FRAS1: variants seen among roughly 807,000 people sequenced by gnomAD.
FRAS1 encodes Fraser extracellular matrix complex subunit 1, also known as extracellular matrix organizing protein FRAS1.
A neutral mutation model predicts 435.2 loss-of-function variants in FRAS1; 290 were observed. The ratio of observed to expected loss-of-function variants is 0.67; its 90% CI spans 0.61 to 0.73. The LOEUF (loss-of-function observed/expected upper bound fraction) is 0.73, where lower values mean the gene tolerates loss of function less well. FRAS1 is among the 30% of genes least tolerant of loss of function. The probability of loss-of-function intolerance (pLI) is 0.00; values close to 1 mark genes in which losing one functional copy is unlikely to be tolerated. For synonymous variants in FRAS1, 1,800 were observed against 1,851.0 expected (o/e 0.97, Z 0.71); for missense variants, 4,860 against 5,001.5 (o/e 0.97, Z 0.85).
intron 6 of FRAS1, among the ~76,000 whole-genome samples, chr4:78,259,915 TTTCTAC>T (rs1725994609): frequency 6.6e-6 from 1 of 152,214 alleles, no homozygotes; most frequent in African/African-American, 2.4e-5. Flanking sequence ...CGATTTCAGC[TTTCTAC>T]CTATGGCTAG....
intron 32 of FRAS1, among the ~76,000 whole-genome samples, chr4:78,416,083 CAG>C (rs1560714688): frequency 6.6e-6 from 1 of 152,100 alleles, no homozygotes; most frequent in African/African-American, 2.4e-5. Context: ...CGTACACACA[CAG>C]AGAGAGAGGA....
chr4:78,465,222 C>A (rs1459716403), intron 49 of FRAS1, among the ~76,000 whole-genome samples: 1 of 152,170 alleles, frequency 6.6e-6, no homozygotes, highest in Non-Finnish European at 1.5e-5. Context: ...ATATTAATTA[C>A]CTATGAGGTT....
At chr4:78,400,226 A>C (rs539718183) in intron 29 of FRAS1, among the ~76,000 whole-genome samples, 1 of 152,120 alleles carries the variant, frequency 6.6e-6, no homozygotes, top group South Asian at 2.1e-4. Context: ...TCCTTCCTCT[A>C]TTCTCCCACA....
At chr4:78,272,813 T>C (rs1259872184) in intron 9 of FRAS1, among the ~76,000 whole-genome samples, 1 of 151,920 alleles carries the variant, frequency 6.6e-6, no homozygotes, top group Non-Finnish European at 1.5e-5. Context: ...TTTGGTTCCA[T>C]ATGAACTTTA....
intron 2 of FRAS1, among the ~76,000 whole-genome samples, chr4:78,118,530 C>A (rs1320903189): frequency 6.6e-6 from 1 of 152,132 alleles, no homozygotes; most frequent in African/African-American, 2.4e-5. Flanking sequence ...GGGCACCCCT[C>A]CCCCAGCCTC....
intron 35 of FRAS1, among the ~76,000 whole-genome samples, chr4:78,426,959 A>G (rs1223786062): frequency 1.3e-5 from 2 of 152,158 alleles, no homozygotes; most frequent in Non-Finnish European, 2.9e-5. Flanking sequence ...AAGCTCTTTA[A>G]TTTTGTACCT....
rs574970917 is a variant in FRAS1, at chr4:78,370,703, A to G, written c.2869+719A>G. Among the ~76,000 whole-genome samples the G allele has an allele frequency of 3.3e-5, 5 of 152,372 alleles. No homozygotes were observed. The East Asian group carries it at 7.7e-4, about 24-fold the overall frequency. On this transcript the variant is annotated intron_variant, in intron 23 of 73. Coordinates refer to ENST00000512123, the MANE Select transcript of FRAS1 (RefSeq NM_025074.7). ...CTGCTTAACATACTTAAATGAGTGA[A>G]GACGTAGTCCCTGTCTTCAAGGAAA...
chr4:78,363,417 G>A, intron 20 of FRAS1, 96 bp from the exon 21 acceptor site: 3 of 1,250,478 alleles, frequency 2.4e-6, no homozygotes, highest in Non-Finnish European at 2.2e-6. Flanking sequence ...CAGCTGCAGT[G>A]TTTGTAATTG....
At chr4:78,289,449 T>A (rs1418658069) in intron 14 of FRAS1, among the ~76,000 whole-genome samples, 1 of 152,188 alleles carries the variant, frequency 6.6e-6, no homozygotes, top group Admixed American at 6.5e-5. Flanking sequence ...CTTTGACCAC[T>A]GTACATTAAG....
Position 78,101,813 on chromosome 4 carries a change from C to A in FRAS1, c.108+35797C>A, listed in dbSNP as rs558770954. ...TGACATTCTGGCAGAGCATGAAGAG[C>A]ACTAAATGAGGGTTCTATAACAAGA... is the stretch of plus-strand genomic sequence containing the variant. On this transcript the variant is annotated intron_variant, in intron 2 of 73. Coordinates refer to ENST00000512123, the MANE Select transcript of FRAS1 (RefSeq NM_025074.7). Among the ~76,000 whole-genome samples the A allele has an allele frequency of 3.4e-4, 52 of 152,248 alleles. 2 individuals carry two copies. The highest frequency in any genetic ancestry group is 1.2e-3 in the African/African-American group (50 of 41,548).
At chr4:78,293,338 G>GA (rs1299709888) in intron 14 of FRAS1, among the ~76,000 whole-genome samples, 1 of 152,082 alleles carries the variant, frequency 6.6e-6, no homozygotes, top group Non-Finnish European at 1.5e-5. Context: ...ATTTTTGATA[G>GA]AAAAAATGTG....
intron 18 of FRAS1, among the ~76,000 whole-genome samples, chr4:78,326,326 G>C (rs1729715990): frequency 1.3e-5 from 2 of 152,254 alleles, no homozygotes; most frequent in Middle Eastern, 3.4e-3. Flanking sequence ...AGCTTAAATG[G>C]GTTGTGGTGA....
chr4:78,109,855 C>G (rs1278049229), intron 2 of FRAS1, among the ~76,000 whole-genome samples: 7 of 5,786 alleles, frequency 1.2e-3, no homozygotes, highest in East Asian at 3.5e-3. Flanking sequence ...AAAACCCCAT[C>G]GTCTCAGCCC....
In FRAS1 at chr4:78,475,517, C is replaced by T; in HGVS notation, c.7762C>T (p.Leu2588=). 6.2e-7 allele frequency: 1 copy of T among 1,613,880 alleles called. No homozygotes were observed. Among genetic ancestry groups the T allele is most frequent in the African/African-American group, 1.3e-5 (1 of 75,046 alleles). The change falls in exon 54 of 74, where the codon CTG becomes TTG. Residue 2588 remains leucine (L), a synonymous_variant. Transcript: ENST00000512123. The part of the protein sequence containing the change: ...TGNLNQYAIV[L]CRTEQGTASS... ...GAACCTGAACCAATATGCCATCGTCCTGTGTCGCACCGAGCAAGGCACCGC... is the reference window on the plus strand; with the variant it reads ...GAACCTGAACCAATATGCCATCGTCTTGTGTCGCACCGAGCAAGGCACCGC...
At chr4:78,250,953 A>G (rs1189034960) in intron 4 of FRAS1, among the ~76,000 whole-genome samples, 1 of 152,194 alleles carries the variant, frequency 6.6e-6, no homozygotes, top group African/African-American at 2.4e-5. Context: ...AAATGCTTTT[A>G]TATATTAGAG....
rs528014770 is a variant in FRAS1 at position 78,153,246 on chromosome 4, G to C, written c.109-84264G>C. ...CCTACTTTGTGTCTGGGAGTGTCCA[G>C]CATCAATATCTACCAGACTATGAGC... On this transcript the variant is annotated intron_variant, in intron 2 of 73. Coordinates refer to ENST00000512123, the MANE Select transcript of FRAS1 (RefSeq NM_025074.7). 3.2e-4 allele frequency among the ~76,000 whole-genome samples: 48 copies of C among 152,060 alleles called. 1 individual carries two copies. In the South Asian group the frequency reaches 4.8e-3, roughly 15 times the overall value.
chr4:78,377,815 A>G (rs1405329334), intron 26 of FRAS1, among the ~76,000 whole-genome samples: 3 of 152,186 alleles, frequency 2.0e-5, no homozygotes, highest in African/African-American at 7.2e-5. Flanking sequence ...AGTTTGTAAA[A>G]TTCCCGAGGT....
chr4:78,142,666 T>G (rs1001904759), intron 2 of FRAS1, among the ~76,000 whole-genome samples: 3 of 152,162 alleles, frequency 2.0e-5, no homozygotes, highest in African/African-American at 7.2e-5. Flanking sequence ...GATTGTTGGC[T>G]ATCCAAAAAT....
chr4:78,541,090 T>C lies in FRAS1; in HGVS notation c.12005T>C (p.Val4002Ala), dbSNP rs758695328. The C allele has an allele frequency of 2.9e-6, 4 of 1,384,108 alleles. No homozygotes were observed. The allele number at this position is 1,384,108 out of a possible 1,614,324, so 85.7% of individuals were successfully genotyped here. A position where few individuals can be genotyped will look rare whatever the true frequency, so the allele number is the denominator to read the frequency against. The change falls in exon 74 of 74, where the codon GTT becomes GCT. Residue 4002 changes from valine to alanine, a missense_variant. Val to Ala is a moderately conservative substitution (Grantham distance 64). Coordinates refer to ENST00000512123, the MANE Select transcript of FRAS1 (RefSeq NM_025074.7). ...KVKRLNLEVR[V>A]HNNLQDGTEV is the part of the protein sequence containing the mutation. ...AAAAGACTGAATCTAGAAGTCAGAG[T>C]TCACAACAATTTACAAGATGGAACA...
Sources: gnomAD v4.1 joint callset for allele counts (sites outside exome capture counted in the v4.1 genomes callset) on GRCh38, gnomAD v4.1.1 for gene constraint, MANE v1.5 for transcripts, NCBI Gene and HGNC (gene_info 2026-07-23, HGNC 2026-07-21) for gene names.